NRG3: variants seen among roughly 807,000 people sequenced by gnomAD.
NRG3 encodes the protein neuregulin 3.
In NRG3, 31 loss-of-function variants were observed where a neutral mutation model predicts 66.9. The ratio of observed to expected loss-of-function variants is 0.46; its 90% CI spans 0.35 to 0.63. The LOEUF (loss-of-function observed/expected upper bound fraction) is 0.63. NRG3 is among the 20% of genes least tolerant of loss of function. The pLI is 0.00. For missense variants in NRG3, 910 were observed against 878.9 expected, an observed-to-expected ratio of 1.04 and a Z score of -0.45; for synonymous variants, 393 against 359.4, an observed-to-expected ratio of 1.09 and a Z score of -1.06.
At chr10:82,027,523 G>C (rs1465528629) in intron 1 of NRG3, among the ~76,000 whole-genome samples, 1 of 152,050 alleles carries the variant, frequency 6.6e-6, no homozygotes, top group Non-Finnish European at 1.5e-5. Context: ...TGTCAAATCA[G>C]ATAATTTTCT....
chr10:82,382,808 C>G (rs888199989), intron 2 of NRG3, among the ~76,000 whole-genome samples: 5 of 151,678 alleles, frequency 3.3e-5, no homozygotes, highest in African/African-American at 1.2e-4. Context: ...TTATCAAAAC[C>G]CATTCAATGG....
At chr10:82,585,253 G>GA (rs1048649423) in intron 2 of NRG3, among the ~76,000 whole-genome samples, 1 of 151,850 alleles carries the variant, frequency 6.6e-6, no homozygotes, top group African/African-American at 2.4e-5. Flanking sequence ...TAAAACTATG[G>GA]AACATGAAAG....
intron 1 of NRG3, among the ~76,000 whole-genome samples, chr10:82,264,771 C>T (rs1022044258): frequency 1.3e-5 from 2 of 152,106 alleles, no homozygotes; most frequent in African/African-American, 4.8e-5. Context: ...AGGGATCAAT[C>T]ATGACAAGTG....
In NRG3 at chr10:81,976,030, C is replaced by G. The variant is rs560598306; in HGVS notation, c.823+99867C>G. ...TTTCAGAAGGAATTTAACTCTGTTA[C>G]AACCTGATTTTAGCCCAATTAGACA... On this transcript the variant is annotated intron_variant, in intron 1 of 8. Transcript: ENST00000372141. 2.6e-5 allele frequency among the ~76,000 whole-genome samples: 4 copies of G among 152,286 alleles called. No individual in the cohort carries two copies. The East Asian group carries it at 7.7e-4, about 29-fold the overall frequency.
At chr10:82,636,299 A>T (rs1475177992) in intron 2 of NRG3, among the ~76,000 whole-genome samples, 1 of 151,444 alleles carries the variant, frequency 6.6e-6, no homozygotes, top group African/African-American at 2.4e-5. Flanking sequence ...TGCATTCCTT[A>T]GTTCTGTCAG....
intron 1 of NRG3, among the ~76,000 whole-genome samples, chr10:81,929,202 G>A (rs1410555456): frequency 6.6e-6 from 1 of 152,034 alleles, no homozygotes; most frequent in Non-Finnish European, 1.5e-5. Flanking sequence ...AGTCAATTAT[G>A]GTGAACAACC....
At chr10:82,129,486 A>T (rs2132473837) in intron 1 of NRG3, among the ~76,000 whole-genome samples, 1 of 152,328 alleles carries the variant, frequency 6.6e-6, no homozygotes, top group South Asian at 2.1e-4. Context: ...TGTGCAATGC[A>T]AAATAATCAC....
chr10:82,593,197 A>T (rs977367140), intron 2 of NRG3, among the ~76,000 whole-genome samples: 3 of 152,160 alleles, frequency 2.0e-5, no homozygotes, highest in African/African-American at 7.2e-5. Context: ...GAGTTGTAAG[A>T]GTAGTGACCC....
At chr10:82,701,764 G>T (rs532509681) in intron 2 of NRG3, among the ~76,000 whole-genome samples, 17 of 152,216 alleles carry the variant, frequency 1.1e-4, no homozygotes, top group African/African-American at 3.9e-4. Context: ...AGAATGTTTA[G>T]TCCCCACCAG....
intron 2 of NRG3, among the ~76,000 whole-genome samples, chr10:82,692,635 C>T (rs533649066): frequency 1.3e-5 from 2 of 152,206 alleles, no homozygotes; most frequent in Non-Finnish European, 2.9e-5. Flanking sequence ...CTGCATAAGG[C>T]GTGAATTCCT....
chr10:81,995,470 G>A (rs1446703850), intron 1 of NRG3, among the ~76,000 whole-genome samples: 2 of 152,086 alleles, frequency 1.3e-5, no homozygotes, highest in Non-Finnish European at 2.9e-5. Context: ...GCAGCAACTC[G>A]AAACCCCTTC....
intron 1 of NRG3, among the ~76,000 whole-genome samples, chr10:82,105,112 G>A (rs2066980774): frequency 6.6e-6 from 1 of 152,100 alleles, no homozygotes; most frequent in African/African-American, 2.4e-5. Context: ...TATTTCACTA[G>A]AAAAACGTGA....
intron 3 of NRG3, among the ~76,000 whole-genome samples, chr10:82,754,339 G>A (rs962378261): frequency 5.3e-5 from 8 of 151,434 alleles, no homozygotes; most frequent in Middle Eastern, 3.4e-3. Context: ...CATACCCTTC[G>A]TTAGCTGTCT....
At chr10:82,178,380 G>T (rs1036290512) in intron 1 of NRG3, among the ~76,000 whole-genome samples, 1 of 152,008 alleles carries the variant, frequency 6.6e-6, no homozygotes, top group Non-Finnish European at 1.5e-5. Flanking sequence ...GCAACTGCTC[G>T]GTTAGCCCTT....
At chr10:82,613,378 A>C (rs1342073523) in intron 2 of NRG3, among the ~76,000 whole-genome samples, 1 of 151,830 alleles carries the variant, frequency 6.6e-6, no homozygotes, top group Non-Finnish European at 1.5e-5. Context: ...ACAATCATTA[A>C]AAAATTGTGG....
chr10:82,916,036 T>A (rs1845797905), intron 4 of NRG3, among the ~76,000 whole-genome samples: 1 of 152,076 alleles, frequency 6.6e-6, no homozygotes, highest in African/African-American at 2.4e-5. Flanking sequence ...GGCAAAAAAA[T>A]CCAAAAAATA....
At chr10:82,708,597 C>T (rs1304386508) in intron 2 of NRG3, among the ~76,000 whole-genome samples, 3 of 152,100 alleles carry the variant, frequency 2.0e-5, no homozygotes, top group Non-Finnish European at 4.4e-5. Context: ...ATGATCATCC[C>T]ATCTGATGCA....
chr10:81,915,570 T>TTTCTTGAA (rs1392254082), intron 1 of NRG3, among the ~76,000 whole-genome samples: 1 of 149,752 alleles, frequency 6.7e-6, no homozygotes, highest in East Asian at 2.0e-4. Flanking sequence ...GCTACAGAAG[T>TTTCTTGAA]TTCTTGAATC....
intron 1 of NRG3, among the ~76,000 whole-genome samples, chr10:82,040,875 A>G (rs1012323011): frequency 2.0e-5 from 3 of 152,110 alleles, no homozygotes; most frequent in African/African-American, 7.2e-5. Context: ...ATGCATGTCA[A>G]TTGTTCTTCT....
Sources: gnomAD v4.1 joint callset for allele counts (sites outside exome capture counted in the v4.1 genomes callset) on GRCh38, gnomAD v4.1.1 for gene constraint, MANE v1.5 for transcripts, NCBI Gene and HGNC (gene_info 2026-07-23, HGNC 2026-07-21) for gene names.